ADAMTS16: variants seen among roughly 807,000 people sequenced by gnomAD.
The protein encoded by ADAMTS16 is A disintegrin and metalloproteinase with thrombospondin motifs 16.
A neutral mutation model predicts 145.8 loss-of-function variants in ADAMTS16; 94 were observed. The observed-to-expected ratio is 0.64, with a 90% CI of 0.55 to 0.77. ADAMTS16 has a LOEUF of 0.77. ADAMTS16 is among the 30% of genes least tolerant of loss of function. The pLI, the probability that ADAMTS16 is intolerant of heterozygous loss-of-function variation, is 0.00. For synonymous variants in ADAMTS16, 659 were observed against 604.3 expected (o/e 1.09, Z -1.33); for missense variants, 1,585 against 1,591.5 (o/e 1.00, Z 0.07).
intron 18 of ADAMTS16, among the ~76,000 whole-genome samples, chr5:5,293,634 A>G (rs929271604): frequency 6.6e-6 from 1 of 152,124 alleles, no homozygotes; most frequent in African/African-American, 2.4e-5. Flanking sequence ...GTCCTTGTCC[A>G]TGCCTTTCCA....
chr5:5,164,510 G>C lies in ADAMTS16; in HGVS notation c.502-17534G>C, dbSNP rs546963024. Reference sequence around the variant, plus strand: ...AGTCTTTGTGCTGCACTGTTAGACTGATTCTCTTCCAAGGGCACTCTCTCT... The same window carrying C: ...AGTCTTTGTGCTGCACTGTTAGACTCATTCTCTTCCAAGGGCACTCTCTCT... On this transcript the variant is annotated intron_variant, in intron 3 of 22. Coordinates refer to ENST00000274181, the MANE Select transcript of ADAMTS16 (RefSeq NM_139056.4). 2.0e-5 allele frequency among the ~76,000 whole-genome samples: 3 copies of C among 152,234 alleles called. No homozygotes were observed. The South Asian group carries it at 6.2e-4, about 32-fold the overall frequency.
intron 10 of ADAMTS16, 44 bp from the exon 11 acceptor site, chr5:5,222,745 A>G (rs1736642459): frequency 6.9e-7 from 1 of 1,452,660 alleles, no homozygotes; most frequent in Admixed American, 1.7e-5. Context: ...AGATGAATTG[A>G]CAATATGATG....
intron 8 of ADAMTS16, among the ~76,000 whole-genome samples, chr5:5,193,738 T>C (rs555875465): frequency 6.6e-6 from 1 of 152,318 alleles, no homozygotes; most frequent in Admixed American, 6.5e-5. Flanking sequence ...AAATTGGGTG[T>C]AGTTGGAAAA....
Position 5,299,371 on chromosome 5 carries a change from G to A in ADAMTS16, c.2790-3897G>A, listed in dbSNP as rs572064119. On this transcript the variant is annotated intron_variant, in intron 18 of 22. Coordinates refer to ENST00000274181, the MANE Select transcript of ADAMTS16 (RefSeq NM_139056.4). The stretch of plus-strand genomic sequence containing the variant: ...TAGGCAGCAGCTCGGGCCCAGACCA[G>A]GGCTGGCCTCTGCATCTGAATTGTC... Among the ~76,000 whole-genome samples, 442 of 152,326 alleles carry A rather than the reference G, an allele frequency of 2.9e-3. 1 individual carries two copies. The highest frequency in any genetic ancestry group is 4.8e-3 in the Admixed American group (74 of 15,310).
At chr5:5,234,469 G>T (rs1473380287) in intron 12 of ADAMTS16, among the ~76,000 whole-genome samples, 1 of 152,198 alleles carries the variant, frequency 6.6e-6, no homozygotes, top group East Asian at 1.9e-4. Context: ...CCAGAGAGGA[G>T]CAAAGACAGG....
chr5:5,239,799 G>A lies in ADAMTS16; in HGVS notation c.2397G>A (p.Gly799=), dbSNP rs772756646. 9 of 1,613,992 alleles carry A rather than the reference G, an allele frequency of 5.6e-6. No homozygotes were observed. Among genetic ancestry groups the A allele is most frequent in the Non-Finnish European group, 7.6e-6 (9 of 1,180,036 alleles). ...CCCTCAGAAGGTACTACCTGAATGG[G>A]CACTGGACCGTGGACTGGCCCGGCC... ...RNALRRYYLN[G]HWTVDWPGRY... Residue 799 remains glycine (G), a synonymous_variant, in exon 16 of 23, where the codon GGG becomes GGA. Coordinates refer to ENST00000274181, the MANE Select transcript of ADAMTS16 (RefSeq NM_139056.4).
chr5:5,209,319 A>G, intron 10 of ADAMTS16, 73 bp downstream of exon 10: 2 of 1,552,366 alleles, frequency 1.3e-6, no homozygotes, highest in South Asian at 1.2e-5. Flanking sequence ...ACTGATGTTG[A>G]TATATTCTGC....
intron 14 of ADAMTS16, among the ~76,000 whole-genome samples, chr5:5,238,788 CA>C (rs1737195594): frequency 6.6e-6 from 1 of 152,180 alleles, no homozygotes; most frequent in African/African-American, 2.4e-5. Context: ...CCCACAATGG[CA>C]TATTTTGTTA....
intron 3 of ADAMTS16, among the ~76,000 whole-genome samples, chr5:5,175,242 G>T (rs1560934608): frequency 6.6e-6 from 1 of 152,134 alleles, no homozygotes; most frequent in Non-Finnish European, 1.5e-5. Context: ...ACAGGACTGG[G>T]TCATTCCCTT....
intron 17 of ADAMTS16, among the ~76,000 whole-genome samples, chr5:5,246,771 A>AT (rs1204034779): frequency 2.6e-5 from 4 of 152,032 alleles, no homozygotes; most frequent in Non-Finnish European, 4.4e-5. Context: ...CGATCCAGTG[A>AT]TTTTTTCTTA....
intron 18 of ADAMTS16, among the ~76,000 whole-genome samples, chr5:5,267,426 T>C (rs1216966047): frequency 3.3e-5 from 5 of 152,058 alleles, no homozygotes; most frequent in Admixed American, 6.5e-5. Flanking sequence ...TGAGTGGCGG[T>C]AGCTCTCAGC....
intron 18 of ADAMTS16, among the ~76,000 whole-genome samples, chr5:5,284,982 T>C (rs1274457269): frequency 6.6e-6 from 1 of 152,178 alleles, no homozygotes; most frequent in Non-Finnish European, 1.5e-5. Context: ...ACCAATGGCT[T>C]GTAACAAGAA....
At chr5:5,299,198 T>C (rs1194403075) in intron 18 of ADAMTS16, among the ~76,000 whole-genome samples, 3 of 152,058 alleles carry the variant, frequency 2.0e-5, no homozygotes, top group African/African-American at 7.2e-5. Flanking sequence ...TTCTTGAAAA[T>C]AGAACAACAG....
chr5:5,202,612 C>T (rs1486915531), intron 9 of ADAMTS16, among the ~76,000 whole-genome samples: 2 of 152,158 alleles, frequency 1.3e-5, no homozygotes, highest in Non-Finnish European at 2.9e-5. Context: ...GCTCACCATG[C>T]TGTTATTTGC....
In ADAMTS16 at chr5:5,262,831, T is replaced by TGCTCAGCGAGTCTTGCA; in HGVS notation, c.2789+53_2789+69dup. 4 of 1,603,644 alleles carry TGCTCAGCGAGTCTTGCA rather than the reference T, an allele frequency of 2.5e-6. No homozygotes were observed. In the African/African-American group the frequency reaches 4.0e-5, roughly 16 times the overall value. ...AAGCAGGTTTCCCAGTTTGCAGACG[T>TGCTCAGCGAGTCTTGCA]GCTCAGCGAGTCTTGCAGCTCCTGA... is the stretch of plus-strand genomic sequence containing the variant. On this transcript the variant is annotated intron_variant, in intron 18 of 22. Transcript: ENST00000274181.
chr5:5,305,055 ATCC>A (rs1561000336), intron 20 of ADAMTS16, among the ~76,000 whole-genome samples: 5 of 66,050 alleles, frequency 7.6e-5, no homozygotes, highest in African/African-American at 3.1e-4. Context: ...ACACACACAC[ATCC>A]CACACCACAC....
intron 3 of ADAMTS16, among the ~76,000 whole-genome samples, chr5:5,159,690 T>C (rs1360219235): frequency 6.6e-6 from 1 of 152,204 alleles, no homozygotes; most frequent in African/African-American, 2.4e-5. Flanking sequence ...CATTAGAACC[T>C]TCAGAGTGAC....
chr5:5,233,572 A>C (rs978056491), intron 12 of ADAMTS16, among the ~76,000 whole-genome samples: 1 of 152,176 alleles, frequency 6.6e-6, no homozygotes, highest in African/African-American at 2.4e-5. Flanking sequence ...GCTCTCACTT[A>C]TAAGTGAGAA....
At chr5:5,198,522 G>A (rs1229536739) in intron 8 of ADAMTS16, among the ~76,000 whole-genome samples, 1 of 152,094 alleles carries the variant, frequency 6.6e-6, no homozygotes, top group African/African-American at 2.4e-5. Flanking sequence ...AAGTGTCAAG[G>A]TTTCAGCCTT....
Sources: gnomAD v4.1 joint callset for allele counts (sites outside exome capture counted in the v4.1 genomes callset) on GRCh38, gnomAD v4.1.1 for gene constraint, MANE v1.5 for transcripts, NCBI Gene and HGNC (gene_info 2026-07-23, HGNC 2026-07-21) for gene names.